The following RAB10 variants were observed in gnomAD, a reference collection of about 807,000 sequenced individuals.
The protein encoded by RAB10 is ras-related protein Rab-10.
In RAB10, 5 loss-of-function variants were observed where a neutral mutation model predicts 25.7. The observed-to-expected ratio is 0.19, with a 90% confidence interval of 0.10 to 0.41. RAB10 has a LOEUF of 0.41. RAB10 is among the 10% of genes least tolerant of loss of function. The pLI, the probability that RAB10 is intolerant of heterozygous loss-of-function variation, is 1.00. For synonymous variants in RAB10, 89 were observed against 86.4 expected (o/e 1.03, Z -0.16); for missense variants, 103 against 245.8 (o/e 0.42, Z 3.89).
At chr2:26,045,560 C>T (rs901222956) in intron 1 of RAB10, among the ~76,000 whole-genome samples, 1 of 151,882 alleles carries the variant, frequency 6.6e-6, no homozygotes, top group South Asian at 2.1e-4. Context: ...GAAGGTTGCC[C>T]AGGCAGAGCT....
rs144499752 is a variant in RAB10, at chr2:26,066,132, C to G, written c.127+31397C>G. Among the ~76,000 whole-genome samples the G allele has an allele frequency of 5.0e-3, 767 of 152,170 alleles. 6 individuals carry two copies. The highest frequency in any genetic ancestry group is 0.017 in the African/African-American group (720 of 41,502). On this transcript the variant is annotated intron_variant, in intron 1 of 5. Coordinates refer to ENST00000264710, the MANE Select transcript of RAB10 (RefSeq NM_016131.5). The stretch of plus-strand genomic sequence containing the variant: ...CATGAATTGGATGAAAGAAATCAAG[C>G]AGTTAATGTGATGATGGTTTTTCTA...
At chr2:26,065,014 C>T (rs997949291) in intron 1 of RAB10, among the ~76,000 whole-genome samples, 5 of 152,148 alleles carry the variant, frequency 3.3e-5, no homozygotes, top group South Asian at 2.1e-4. Flanking sequence ...GCTCTGATCG[C>T]GCCACTGCAG....
chr2:26,077,932 TC>T (rs1666774459), intron 1 of RAB10, among the ~76,000 whole-genome samples: 1 of 151,984 alleles, frequency 6.6e-6, no homozygotes, highest in African/African-American at 2.4e-5. Context: ...CGAGCCAAGA[TC>T]GCGCCACTGC....
rs70950164 is a variant in RAB10 at position 26,071,688 on chromosome 2, C to CA, written c.128-26960dup. 3.7e-3 allele frequency among the ~76,000 whole-genome samples: 537 copies of CA among 144,654 alleles called. 2 individuals carry two copies. The highest frequency in any genetic ancestry group is 9.5e-3 in the African/African-American group (375 of 39,272). 94.9% of individuals were successfully genotyped at this position (144,654 alleles called of 152,430 possible). A position where few individuals can be genotyped will look rare whatever the true frequency, so the allele number is the denominator to read the frequency against. ...TGGGTGACAGAGTGAGACTTCATCTCAAAAAAAAAAAAAAGGAAGTTTGGA... is the reference window on the plus strand; with the variant it reads ...TGGGTGACAGAGTGAGACTTCATCTCAAAAAAAAAAAAAAAGGAAGTTTGGA... On this transcript the variant is annotated intron_variant, in intron 1 of 5. Coordinates refer to ENST00000264710, the MANE Select transcript of RAB10 (RefSeq NM_016131.5).
chr2:26,136,657 C>G lies in RAB10; in HGVS notation c.*1636C>G, dbSNP rs1668118972. 6.6e-6 allele frequency: 1 copy of G among 152,598 alleles called. No individual in the cohort carries two copies. Among genetic ancestry groups the G allele is most frequent in the Admixed American group, 6.5e-5 (1 of 15,278 alleles). 9.5% of individuals were successfully genotyped at this position (152,598 alleles called of 1,614,324 possible). ...TAGCATGATTCATTTCTAGCAGAGG[C>G]TGAGTTTAGGACAGCAGCTTCCATT... On this transcript the variant is annotated 3_prime_UTR_variant, in exon 6 of 6. Coordinates refer to ENST00000264710, the MANE Select transcript of RAB10 (RefSeq NM_016131.5).
intron 1 of RAB10, among the ~76,000 whole-genome samples, chr2:26,055,190 C>T (rs1666232248): frequency 6.6e-6 from 1 of 152,032 alleles, no homozygotes; most frequent in South Asian, 2.1e-4. Context: ...AGTTTCAGTT[C>T]TAGTGGAGGA....
At chr2:26,130,498 G>C (rs949903949) in intron 5 of RAB10, among the ~76,000 whole-genome samples, 3 of 151,204 alleles carry the variant, frequency 2.0e-5, no homozygotes, top group African/African-American at 7.3e-5. Flanking sequence ...TTTAATTGAT[G>C]GGGTCTGACT....
At position 26,055,633 on chromosome 2, in the gene RAB10, C is replaced by G. The variant is rs145855584; in HGVS notation, c.127+20898C>G. Among the ~76,000 whole-genome samples the G allele has an allele frequency of 5.3e-3, 800 of 152,222 alleles. 5 individuals carry two copies. Among genetic ancestry groups the G allele is most frequent in the Non-Finnish European group, 9.1e-3 (621 of 68,008 alleles). On this transcript the variant is annotated intron_variant, in intron 1 of 5. Transcript: ENST00000264710. ...TGAACTCCTGACCTCAGGTGGTCTGCCTGCCTCAGCCTTCCAAAGTCCTGG... is the reference window on the plus strand; with the variant it reads ...TGAACTCCTGACCTCAGGTGGTCTGGCTGCCTCAGCCTTCCAAAGTCCTGG...
intron 1 of RAB10, among the ~76,000 whole-genome samples, chr2:26,062,930 C>T (rs1438589559): frequency 1.3e-5 from 2 of 151,804 alleles, no homozygotes; most frequent in South Asian, 2.1e-4. Flanking sequence ...GCCTGGCCAA[C>T]GTGGTGAAAC....
At chr2:26,079,353 ACT>A (rs1325638696) in intron 1 of RAB10, among the ~76,000 whole-genome samples, 1 of 150,126 alleles carries the variant, frequency 6.7e-6, no homozygotes, top group Non-Finnish European at 1.5e-5. Flanking sequence ...ACACACACAC[ACT>A]ATATACACAT....
Position 26,081,584 on chromosome 2 carries a change from G to C in RAB10, c.128-17078G>C, listed in dbSNP as rs138956401. On this transcript the variant is annotated intron_variant, in intron 1 of 5. Transcript: ENST00000264710. Reference sequence around the variant, plus strand: ...TTAAATCTGGCGAATTAGGTTTGTAGTTTAGTTAATTGCACCAATGTTATT... The same window carrying C: ...TTAAATCTGGCGAATTAGGTTTGTACTTTAGTTAATTGCACCAATGTTATT... Among the ~76,000 whole-genome samples the C allele has an allele frequency of 2.5e-3, 379 of 152,286 alleles. 2 individuals are homozygous for C. Among genetic ancestry groups the C allele is most frequent in the African/African-American group, 8.8e-3 (364 of 41,568 alleles).
At chr2:26,044,383 G>C (rs940167226) in intron 1 of RAB10, among the ~76,000 whole-genome samples, 5 of 152,140 alleles carry the variant, frequency 3.3e-5, no homozygotes, top group Non-Finnish European at 5.9e-5. Context: ...GTTGAAGGCA[G>C]ATTTGTCTTT....
At chr2:26,091,965 A>G (rs1279115306) in intron 1 of RAB10, among the ~76,000 whole-genome samples, 1 of 152,112 alleles carries the variant, frequency 6.6e-6, no homozygotes, top group African/African-American at 2.4e-5. Context: ...TGAGGTCAGG[A>G]GTTCGAGACC....
chr2:26,124,389 C>CTTTTTTTTTTTTTTTTTTTTT lies in RAB10; in HGVS notation c.328-2747_328-2727dup, dbSNP rs10669615. Reference sequence around the variant, plus strand: ...GTTGTTTTTCTTATTGTTGTTGTTGCTTTTTTTTTTTTTTTTTTTTTTTTT... The same window carrying CTTTTTTTTTTTTTTTTTTTTT: ...GTTGTTTTTCTTATTGTTGTTGTTGCTTTTTTTTTTTTTTTTTTTTTTTTTTTTTTTTTTTTTTTTTTTTTT... On this transcript the variant is annotated intron_variant, in intron 3 of 5. Transcript: ENST00000264710. Among the ~76,000 whole-genome samples, 54 of 19,680 alleles carry CTTTTTTTTTTTTTTTTTTTTT rather than the reference C, an allele frequency of 2.7e-3. 23 individuals are homozygous for CTTTTTTTTTTTTTTTTTTTTT. Among genetic ancestry groups the CTTTTTTTTTTTTTTTTTTTTT allele is most frequent in the Admixed American group, 7.0e-3 (6 of 856 alleles). 12.9% of individuals were successfully genotyped at this position (19,680 alleles called of 152,430 possible). A position where few individuals can be genotyped will look rare whatever the true frequency, so the allele number is the denominator to read the frequency against.
At position 26,074,877 on chromosome 2, in the gene RAB10, T is replaced by C. The variant is rs554510802; in HGVS notation, c.128-23785T>C. The stretch of plus-strand genomic sequence containing the variant: ...CTATAACACTCCTTAAGAGCTGTTA[T>C]GAGGATCGAACGAGTAAATGCTTGT... On this transcript the variant is annotated intron_variant, in intron 1 of 5. Transcript: ENST00000264710. 2.2e-4 allele frequency among the ~76,000 whole-genome samples: 34 copies of C among 152,346 alleles called. No homozygotes were observed. The South Asian group carries it at 6.6e-3, about 30-fold the overall frequency.
chr2:26,099,920 C>A (rs1276673872), intron 2 of RAB10, among the ~76,000 whole-genome samples: 6 of 152,062 alleles, frequency 3.9e-5, no homozygotes, highest in African/African-American at 1.5e-4. Flanking sequence ...ACTGTATCTA[C>A]CCCGCAGAAT....
intron 1 of RAB10, among the ~76,000 whole-genome samples, chr2:26,094,877 CATGTT>C (rs1365791259): frequency 6.6e-6 from 1 of 152,148 alleles, no homozygotes; most frequent in East Asian, 1.9e-4. Context: ...TAATTTTAAT[CATGTT>C]AAGTAATTAT....
chr2:26,075,059 C>T (rs1026142847), intron 1 of RAB10, among the ~76,000 whole-genome samples: 1 of 152,134 alleles, frequency 6.6e-6, no homozygotes, highest in Non-Finnish European at 1.5e-5. Context: ...TAATTGGTAG[C>T]TCTTGGAGAG....
chr2:26,090,554 T>G (rs1476084401), intron 1 of RAB10, among the ~76,000 whole-genome samples: 1 of 152,044 alleles, frequency 6.6e-6, no homozygotes, highest in African/African-American at 2.4e-5. Context: ...TTTTCAAACT[T>G]CTGTTAGATG....
Sources: allele counts gnomAD v4.1 joint callset (sites outside exome capture counted in the v4.1 genomes callset), GRCh38; gene constraint gnomAD v4.1.1; transcripts MANE v1.5; gene names NCBI Gene and HGNC (gene_info 2026-07-23, HGNC 2026-07-21).